MOB2: variants seen among roughly 807,000 people sequenced by gnomAD.
The protein encoded by MOB2 is MOB2 Mps One Binder homolog.
Under a neutral mutation model 27.4 loss-of-function variants are expected in MOB2, and 14 were observed. That is an observed-to-expected ratio of 0.51 (90% CI 0.34 to 0.80). The LOEUF is 0.80. Among genes scored for constraint, MOB2 ranks in the 30% least tolerant of loss-of-function variants. MOB2 has a pLI of 0.01. For missense variants in MOB2, 304 were observed against 354.6 expected (o/e 0.86, Z 1.15); for synonymous variants, 167 against 151.8 (o/e 1.10, Z -0.74).
chr11:1,475,601 A>G (rs1030578816), intron 3 of MOB2, among the ~76,000 whole-genome samples: 4 of 152,210 alleles, frequency 2.6e-5, no homozygotes, highest in African/African-American at 9.7e-5. Flanking sequence ...AGTGTAATTC[A>G]TAAACTGAGG....
intron 3 of MOB2, among the ~76,000 whole-genome samples, chr11:1,479,661 T>C (rs1847888178): frequency 6.6e-6 from 1 of 152,254 alleles, no homozygotes; most frequent in South Asian, 2.1e-4. Flanking sequence ...GAAAGCCATG[T>C]CTGTGGGCAG....
rs747243542 is a variant in MOB2, at chr11:1,469,709, G to A, written c.*463C>T. The stretch of plus-strand genomic sequence containing the variant: ...GCTGCCAACAGCCAAGACTCCTGGC[G>A]AGGCCGGGAGAGGAGGGGTGAGAGG... On this transcript the variant is annotated 3_prime_UTR_variant, in exon 5 of 5. Coordinates refer to ENST00000329957, the MANE Select transcript of MOB2 (RefSeq NM_001172223.3). The A allele has an allele frequency of 1.1e-4, 52 of 459,248 alleles. No individual in the cohort carries two copies. The highest frequency in any genetic ancestry group is 3.2e-4 in the Middle Eastern group (1 of 3,094). The allele number at this position is 459,248 out of a possible 1,614,324, so 28.4% of individuals were successfully genotyped here.
intron 3 of MOB2, among the ~76,000 whole-genome samples, chr11:1,479,796 C>A (rs1418172818): frequency 1.3e-5 from 2 of 152,242 alleles, no homozygotes; most frequent in Non-Finnish European, 2.9e-5. Context: ...CTAAGCCCAG[C>A]AGACCCAGCC....
chr11:1,482,800 G>GC (rs1018320804), intron 1 of MOB2, among the ~76,000 whole-genome samples: 5 of 152,244 alleles, frequency 3.3e-5, no homozygotes, highest in African/African-American at 1.2e-4. Context: ...GCAGGACATG[G>GC]CCTCTGCTCC....
At chr11:1,477,424 T>G (rs146951147) in intron 3 of MOB2, among the ~76,000 whole-genome samples, 1 of 152,048 alleles carries the variant, frequency 6.6e-6, no homozygotes, top group East Asian at 1.9e-4. Context: ...GCACCTAGAG[T>G]GGTGTGACAC....
At chr11:1,480,270 C>A in intron 3 of MOB2, 123 bp downstream of exon 3, 1 of 902,700 alleles carries the variant, frequency 1.1e-6, no homozygotes. Context: ...AGGCCTGTGC[C>A]AAGACTTCTC....
chr11:1,481,771 C>G (rs1436104227), intron 1 of MOB2, among the ~76,000 whole-genome samples: 2 of 148,094 alleles, frequency 1.4e-5, no homozygotes, highest in Non-Finnish European at 3.0e-5. Flanking sequence ...CAGGGAGGGG[C>G]AGGGGCAGGG....
chr11:1,477,849 T>C (rs542131569), intron 3 of MOB2, among the ~76,000 whole-genome samples: 1 of 152,338 alleles, frequency 6.6e-6, no homozygotes, highest in East Asian at 1.9e-4. Flanking sequence ...TAAAAATACA[T>C]TCTCATAAGC....
intron 4 of MOB2, 84 bp downstream of exon 4, chr11:1,471,211 C>G: frequency 6.7e-7 from 1 of 1,500,246 alleles, no homozygotes; most frequent in Non-Finnish European, 9.0e-7. Context: ...CCTCCCGGCA[C>G]AGGAGCTTGG....
At chr11:1,473,415 T>G (rs1847817517) in intron 3 of MOB2, 1 of 152,298 alleles carries the variant, frequency 6.6e-6, no homozygotes, top group Non-Finnish European at 1.5e-5. Context: ...TGTCCTGGGG[T>G]TCCCAGATGG....
In MOB2 at chr11:1,470,430, G is replaced by A; in HGVS notation, c.549C>T (p.Phe183=). ...CCCAGTAGATGTGTGCCAGCACGTG[G>A]AACAGGTGTCTGCAGATCTTCCTCA... ...SLVRKICRHL[F]HVLAHIYWAH... The change falls in exon 5 of 5, where the codon TTC becomes TTT. Residue 183 remains phenylalanine, a synonymous_variant. Coordinates refer to ENST00000329957, the MANE Select transcript of MOB2 (RefSeq NM_001172223.3). The A allele has an allele frequency of 1.9e-6, 3 of 1,613,680 alleles. No individual in the cohort carries two copies. Among genetic ancestry groups the A allele is most frequent in the East Asian group, 2.2e-5 (1 of 44,886 alleles).
In MOB2 at chr11:1,470,498, G is replaced by T. The variant is rs1394548167; in HGVS notation, c.491-10C>A. 9 of 1,607,662 alleles carry T rather than the reference G, an allele frequency of 5.6e-6. No individual in the cohort carries two copies. The East Asian group carries it at 1.8e-4, about 32-fold the overall frequency. ...CTGGGGAATTCTCTGCCTGGGGAAGGCCACCGTGTCACAAGCTGCAGACAT... is the reference window on the plus strand; with the variant it reads ...CTGGGGAATTCTCTGCCTGGGGAAGTCCACCGTGTCACAAGCTGCAGACAT... On this transcript the variant is annotated splice_polypyrimidine_tract_variant and intron_variant, in intron 4 of 4. Coordinates refer to ENST00000329957, the MANE Select transcript of MOB2 (RefSeq NM_001172223.3).
At chr11:1,482,243 T>C (rs547389267) in intron 1 of MOB2, among the ~76,000 whole-genome samples, 2 of 152,346 alleles carry the variant, frequency 1.3e-5, no homozygotes, top group South Asian at 2.1e-4. Context: ...CTGTGTCAAC[T>C]GGCAAGCTCC....
At chr11:1,477,387 T>C (rs1847862905) in intron 3 of MOB2, among the ~76,000 whole-genome samples, 1 of 152,202 alleles carries the variant, frequency 6.6e-6, no homozygotes, top group Non-Finnish European at 1.5e-5. Context: ...CATCTTGTCC[T>C]CTTACTTCTC....
At chr11:1,483,299 T>C (rs1304536280) in intron 1 of MOB2, among the ~76,000 whole-genome samples, 1 of 152,130 alleles carries the variant, frequency 6.6e-6, no homozygotes, top group Non-Finnish European at 1.5e-5. Context: ...GGGAGGACTG[T>C]GGGAGCAGGC....
Position 1,470,279 on chromosome 11 carries a change from G to A in MOB2, c.700C>T (p.Leu234Phe). 1 of 1,613,136 alleles carries A rather than the reference G, an allele frequency of 6.2e-7. No individual in the cohort carries two copies. The highest frequency in any genetic ancestry group is 8.5e-7 in the Non-Finnish European group (1 of 1,179,898). Reference sequence around the variant, plus strand: ...GCCCCGCTGCATAGCACCTCGGTGAGGTCGTCCATGATGGCGGTCTCTTTG... The same window carrying A: ...GCCCCGCTGCATAGCACCTCGGTGAAGTCGTCCATGATGGCGGTCTCTTTG... ...DPKETAIMDD[L>F]TEVLCSGAGG... The change falls in exon 5 of 5, where the codon CTC (leucine) becomes TTC (phenylalanine). Residue 234 changes from leucine to phenylalanine, a missense_variant. Coordinates refer to ENST00000329957, the MANE Select transcript of MOB2 (RefSeq NM_001172223.3).
intron 1 of MOB2, 62 bp from the exon 2 acceptor site, chr11:1,480,947 G>A: frequency 3.3e-6 from 5 of 1,533,068 alleles, no homozygotes; most frequent in Admixed American, 2.0e-5. Context: ...GTCTGCCCGG[G>A]GGGTCAGTTG....
At chr11:1,483,353 A>G (rs1847937271) in intron 1 of MOB2, among the ~76,000 whole-genome samples, 1 of 152,190 alleles carries the variant, frequency 6.6e-6, no homozygotes, top group South Asian at 2.1e-4. Context: ...GGGACTGGGG[A>G]GTGGACCCTG....
intron 4 of MOB2, 131 bp downstream of exon 4, chr11:1,471,164 C>A (rs1348199542): frequency 4.7e-6 from 6 of 1,280,342 alleles, no homozygotes; most frequent in East Asian, 2.6e-5. Context: ...TAAGCAGGGA[C>A]TGGGGTGGTG....
Sources: allele counts gnomAD v4.1 joint callset (sites outside exome capture counted in the v4.1 genomes callset), GRCh38; gene constraint gnomAD v4.1.1; transcripts MANE v1.5; gene names NCBI Gene and HGNC (gene_info 2026-07-23, HGNC 2026-07-21).